The following ADAMTS12 variants were observed in gnomAD, a reference collection of about 807,000 sequenced individuals.
ADAMTS12 encodes ADAM metallopeptidase with thrombospondin type 1 motif 12, also known as A disintegrin and metalloproteinase with thrombospondin motifs 12.
ADAMTS12 carries 118 observed loss-of-function variants against 167.8 expected under a neutral mutation model. The observed-to-expected ratio is 0.70, with a 90% CI of 0.61 to 0.82. The LOEUF is 0.82. Among genes scored for constraint, ADAMTS12 ranks in the 40% least tolerant of loss-of-function variants. The pLI is 0.00. For missense variants in ADAMTS12, 1,916 were observed against 1,998.8 expected (o/e 0.96, Z 0.79); for synonymous variants, 704 against 716.9 (o/e 0.98, Z 0.29).
chr5:33,545,860 G>A (rs1306920358), intron 22 of ADAMTS12, among the ~76,000 whole-genome samples, 199 bp downstream of exon 22: 20 of 151,626 alleles, frequency 1.3e-4, no homozygotes, highest in Non-Finnish European at 2.2e-4. Context: ...GGGGCCTGTC[G>A]GGGGGTGGGG....
intron 3 of ADAMTS12, among the ~76,000 whole-genome samples, chr5:33,708,165 A>G (rs1057140443): frequency 6.6e-6 from 1 of 152,232 alleles, no homozygotes; most frequent in Non-Finnish European, 1.5e-5. Flanking sequence ...TCAAAGGAAG[A>G]CATTTATGCA....
chr5:33,663,905 T>G (rs1741373811), intron 5 of ADAMTS12, among the ~76,000 whole-genome samples: 1 of 152,220 alleles, frequency 6.6e-6, no homozygotes, highest in African/African-American at 2.4e-5. Context: ...TATTACCACT[T>G]ATAATTGTTA....
chr5:33,610,881 A>G (rs534867342), intron 16 of ADAMTS12, among the ~76,000 whole-genome samples: 1 of 152,282 alleles, frequency 6.6e-6, no homozygotes, highest in Non-Finnish European at 1.5e-5. Context: ...AGCCTGGCCA[A>G]CATGGTGAAA....
At chr5:33,707,720 T>C (rs975695883) in intron 3 of ADAMTS12, among the ~76,000 whole-genome samples, 1 of 152,136 alleles carries the variant, frequency 6.6e-6, no homozygotes, top group Non-Finnish European at 1.5e-5. Flanking sequence ...CCCTATTTAA[T>C]AAATGGTGTT....
At chr5:33,623,832 C>T (rs1470861292) in intron 14 of ADAMTS12, among the ~76,000 whole-genome samples, 2 of 152,260 alleles carry the variant, frequency 1.3e-5, no homozygotes, top group African/African-American at 4.8e-5. Context: ...CTTGTGTCTG[C>T]AGCCTTCTCG....
chr5:33,856,909 A>G (rs1749420827), intron 2 of ADAMTS12, among the ~76,000 whole-genome samples: 1 of 152,220 alleles, frequency 6.6e-6, no homozygotes, highest in South Asian at 2.1e-4. Context: ...TATATACCCA[A>G]AGGAATTGAA....
intron 2 of ADAMTS12, among the ~76,000 whole-genome samples, chr5:33,765,064 G>A (rs1288830282): frequency 1.3e-5 from 2 of 152,176 alleles, no homozygotes; most frequent in Non-Finnish European, 2.9e-5. Flanking sequence ...AAGTATATAC[G>A]TGAATGATCT....
At position 33,591,053 on chromosome 5, in the gene ADAMTS12, G is replaced by T. The variant is rs1382449442; in HGVS notation, c.2655-2244C>A. On this transcript the variant is annotated intron_variant, in intron 17 of 23. Coordinates refer to ENST00000504830, the MANE Select transcript of ADAMTS12 (RefSeq NM_030955.4). ...CTAAAATACTGTTTTTATATTTATGGAGATTTTATGTTTTATCTAAATGTC... is the reference window on the plus strand; with the variant it reads ...CTAAAATACTGTTTTTATATTTATGTAGATTTTATGTTTTATCTAAATGTC... Among the ~76,000 whole-genome samples, 3 of 150,308 alleles carry T rather than the reference G, an allele frequency of 2.0e-5. No homozygotes were observed. In the Admixed American group the frequency reaches 2.0e-4, roughly 10 times the overall value.
intron 19 of ADAMTS12, among the ~76,000 whole-genome samples, chr5:33,562,418 C>T (rs1348567494): frequency 1.3e-5 from 2 of 151,924 alleles, no homozygotes; most frequent in Admixed American, 1.3e-4. Flanking sequence ...TTTTGTGTGC[C>T]TGATTCTTTC....
At chr5:33,579,295 G>A (rs576719712) in intron 18 of ADAMTS12, among the ~76,000 whole-genome samples, 129 of 152,182 alleles carry the variant, frequency 8.5e-4, no homozygotes, top group Admixed American at 1.4e-3. Context: ...TTCCATGCTG[G>A]CTGCCTCAGG....
intron 16 of ADAMTS12, among the ~76,000 whole-genome samples, chr5:33,598,503 A>G (rs1339544481): frequency 6.6e-6 from 1 of 152,244 alleles, no homozygotes; most frequent in Non-Finnish European, 1.5e-5. Flanking sequence ...AAATGAGAAC[A>G]GTGATATTCA....
chr5:33,605,825 C>T (rs987962193), intron 16 of ADAMTS12, among the ~76,000 whole-genome samples: 4 of 152,258 alleles, frequency 2.6e-5, no homozygotes, highest in South Asian at 2.1e-4. Flanking sequence ...CTCATACCAA[C>T]CATACAAAAT....
chr5:33,772,000 G>GT (rs1335842667), intron 2 of ADAMTS12, among the ~76,000 whole-genome samples: 1 of 151,936 alleles, frequency 6.6e-6, no homozygotes, highest in Non-Finnish European at 1.5e-5. Flanking sequence ...GAGACTACAG[G>GT]TATCTGCCAC....
At chr5:33,830,310 T>C (rs1428167264) in intron 2 of ADAMTS12, among the ~76,000 whole-genome samples, 2 of 152,140 alleles carry the variant, frequency 1.3e-5, no homozygotes, top group Non-Finnish European at 2.9e-5. Flanking sequence ...GTAAGACAAC[T>C]GGAATATAAA....
intron 5 of ADAMTS12, among the ~76,000 whole-genome samples, chr5:33,668,757 T>G (rs1397481559): frequency 1.3e-5 from 2 of 152,234 alleles, no homozygotes; most frequent in African/African-American, 4.8e-5. Flanking sequence ...GGGCTGGGAT[T>G]ACAGGCGTGA....
At chr5:33,806,869 G>A (rs749863868) in intron 2 of ADAMTS12, among the ~76,000 whole-genome samples, 10 of 152,020 alleles carry the variant, frequency 6.6e-5, no homozygotes, top group African/African-American at 1.4e-4. Flanking sequence ...CATCATCCCC[G>A]TGCAGCCGCC....
At chr5:33,531,758 T>G (rs749500263) in intron 23 of ADAMTS12, among the ~76,000 whole-genome samples, 8 of 152,182 alleles carry the variant, frequency 5.3e-5, no homozygotes, top group Non-Finnish European at 1.0e-4. Flanking sequence ...CCTGGAATCC[T>G]CACATGTTCT....
chr5:33,549,060 A>G (rs767942389), intron 21 of ADAMTS12, 147 bp downstream of exon 21: 3 of 992,670 alleles, frequency 3.0e-6, no homozygotes, highest in South Asian at 1.8e-5. Flanking sequence ...TCAGCTTCTC[A>G]CATACAGGGT....
chr5:33,577,229 C>T (rs1276629148), intron 18 of ADAMTS12, 69 bp from the exon 19 acceptor site: 10 of 1,602,298 alleles, frequency 6.2e-6, no homozygotes, highest in African/African-American at 2.7e-5. Flanking sequence ...AGGTCTATAA[C>T]AGATCAAAAC....
Sources: allele counts gnomAD v4.1 joint callset (sites outside exome capture counted in the v4.1 genomes callset), GRCh38; gene constraint gnomAD v4.1.1; transcripts MANE v1.5; gene names NCBI Gene and HGNC (gene_info 2026-07-23, HGNC 2026-07-21).